Variants in CDKL3 observed in about 807,000 individuals in gnomAD.
CDKL3 encodes the protein cyclin-dependent kinase-like 3.
Under a neutral mutation model 69.3 loss-of-function variants are expected in CDKL3, and 65 were observed. The ratio of observed to expected loss-of-function variants is 0.94; its 90% CI spans 0.77 to 1.15. The LOEUF is 1.15. Among genes scored for constraint, CDKL3 ranks in the 50% most tolerant of loss-of-function variants. CDKL3 has a pLI of 0.00. For missense variants in CDKL3, 652 were observed against 689.2 expected (o/e 0.95, Z 0.61); for synonymous variants, 202 against 221.6 (o/e 0.91, Z 0.79).
In CDKL3 at chr5:134,291,773, C is replaced by CA. The variant is rs762167323; in HGVS notation, c.*678-5215dup. ...TGGGTGACAGAGCAAGACTCCATCT[C>CA]AAAAAAAAAAAAAAGGAACTCTTTA... is the stretch of plus-strand genomic sequence containing the variant. On this transcript the variant is annotated intron_variant and NMD_transcript_variant, in intron 8 of 8. Transcript: ENST00000519312. 2.2e-3 allele frequency among the ~76,000 whole-genome samples: 238 copies of CA among 107,568 alleles called. 1 individual carries two copies. The highest frequency in any genetic ancestry group is 5.3e-3 in the Middle Eastern group (1 of 190). 70.6% of individuals were successfully genotyped at this position (107,568 alleles called of 152,430 possible). A position where few individuals can be genotyped will look rare whatever the true frequency, so the allele number is the denominator to read the frequency against.
intron 4 of CDKL3, among the ~76,000 whole-genome samples, chr5:134,341,283 T>C (rs1750421858): frequency 6.6e-6 from 1 of 152,220 alleles, no homozygotes; most frequent in South Asian, 2.1e-4. Flanking sequence ...AAGACAAGGA[T>C]GTCTGCTCTT....
In CDKL3 at chr5:134,312,355, T is replaced by C. The variant is rs754259188; in HGVS notation, c.818A>G (p.Asp273Gly). 15 of 1,595,006 alleles carry C rather than the reference T, an allele frequency of 9.4e-6. No homozygotes were observed. Among genetic ancestry groups the C allele is most frequent in the Non-Finnish European group, 1.1e-5 (13 of 1,171,448 alleles). ...VHACLQIDPADRISSSDLLHH... is the reference protein window; with the variant it reads ...VHACLQIDPAGRISSSDLLHH... ...CAAAAGATCACTAGATGATATCCTG[T>C]CAGCAGGATCAATTTGTAAACAAGC... is the stretch of plus-strand genomic sequence containing the variant. The change falls in exon 7 of 13, where the codon GAC becomes GGC. Residue 273 changes from aspartate to glycine, a missense_variant. Physicochemically the swap from Asp to Gly is moderately conservative, Grantham distance 94 (BLOSUM62 -1). Transcript: ENST00000265334.
In CDKL3 at chr5:134,356,996, G is replaced by A. The variant is rs375975715; in HGVS notation, c.360+2901C>T. 2.0e-5 allele frequency among the ~76,000 whole-genome samples: 3 copies of A among 151,708 alleles called. No homozygotes were observed. The East Asian group carries it at 5.8e-4, about 29-fold the overall frequency. On this transcript the variant is annotated intron_variant, in intron 3 of 12. Coordinates refer to ENST00000265334, the MANE Select transcript of CDKL3 (RefSeq NM_001113575.2). ...TGTACTACTATATCGTTTGTGCCAC[G>A]AAACTTAGCACTTCATCATCTACAC...
intron 4 of CDKL3, among the ~76,000 whole-genome samples, chr5:134,335,801 T>C (rs933063695): frequency 6.6e-5 from 10 of 152,160 alleles, no homozygotes; most frequent in African/African-American, 2.4e-4. Flanking sequence ...TTATGTGTCT[T>C]GGGGTTGCTC....
At chr5:134,290,353 CAAAAAAAAA>C (rs1212709645) in intron 8 of CDKL3, among the ~76,000 whole-genome samples, 3 of 24,790 alleles carry the variant, frequency 1.2e-4, no homozygotes, top group Non-Finnish European at 2.5e-4. Flanking sequence ...GACTCTGTCT[CAAAAAAAAA>C]AAAAAAAAAA....
At chr5:134,344,397 G>A (rs1751289394) in intron 4 of CDKL3, among the ~76,000 whole-genome samples, 1 of 152,116 alleles carries the variant, frequency 6.6e-6, no homozygotes, top group East Asian at 1.9e-4. Flanking sequence ...TCACATATCT[G>A]ATAAGGAATT....
intron 3 of CDKL3, 79 bp downstream of exon 3, chr5:134,359,818 T>C: frequency 1.1e-6 from 1 of 921,696 alleles, no homozygotes; most frequent in South Asian, 1.6e-5. Context: ...TTAGCCACCT[T>C]CATAAAAATA....
At chr5:134,341,406 G>A (rs1034800345) in intron 4 of CDKL3, among the ~76,000 whole-genome samples, 1 of 152,190 alleles carries the variant, frequency 6.6e-6, no homozygotes, top group Non-Finnish European at 1.5e-5. Context: ...ATTCACAGAT[G>A]ACATGATCTT....
In CDKL3 at chr5:134,356,304, G is replaced by A. The variant is rs938329704; in HGVS notation, c.360+3593C>T. ...GGAGGCAGAGCTCAGGTGGTAATGC[G>A]AGCAATGCAAAGTGGCTGTAAATAC... On this transcript the variant is annotated intron_variant, in intron 3 of 12. Coordinates refer to ENST00000265334, the MANE Select transcript of CDKL3 (RefSeq NM_001113575.2). Among the ~76,000 whole-genome samples the A allele has an allele frequency of 5.3e-5, 8 of 152,174 alleles. No homozygotes were observed. In the East Asian group the frequency reaches 1.3e-3, roughly 26 times the overall value.
intron 4 of CDKL3, among the ~76,000 whole-genome samples, chr5:134,329,264 G>A (rs1007944469): frequency 3.9e-5 from 6 of 152,128 alleles, no homozygotes; most frequent in Non-Finnish European, 8.8e-5. Context: ...ATTGAGCCCA[G>A]AAGGTTGAGG....
intron 8 of CDKL3, among the ~76,000 whole-genome samples, chr5:134,289,163 T>TA (rs34873718): frequency 0.22 from 17,596 of 80,232 alleles, 1,678 homozygotes; most frequent in Middle Eastern, 0.26. Context: ...CCCTGTCTCA[T>TA]AAAAAAAAAA....
At chr5:134,367,849 G>A (rs183612031), upstream of CDKL3, among the ~76,000 whole-genome samples, 198 of 152,272 alleles carry the variant, frequency 1.3e-3, 1 homozygote, top group Middle Eastern at 3.4e-3. Flanking sequence ...ACAAGAGCAC[G>A]GAAATAAAGA....
chr5:134,338,174 T>C (rs555013210), intron 4 of CDKL3, among the ~76,000 whole-genome samples: 1 of 152,182 alleles, frequency 6.6e-6, no homozygotes, highest in East Asian at 1.9e-4. Flanking sequence ...GAGAAATGAC[T>C]ATAAAGAAAA....
intron 3 of CDKL3, 90 bp downstream of exon 3, chr5:134,359,807 G>C: frequency 2.3e-6 from 2 of 854,588 alleles, no homozygotes; most frequent in Non-Finnish European, 3.6e-6. Flanking sequence ...GAAAAAGAAT[G>C]TTAGCCACCT....
intron 4 of CDKL3, 108 bp from the exon 5 acceptor site, chr5:134,322,011 A>G: frequency 5.9e-6 from 4 of 679,012 alleles, no homozygotes; most frequent in Non-Finnish European, 1.0e-5. Flanking sequence ...AAGTAGTATC[A>G]TTTTAAGTTT....
chr5:134,319,683 G>A (rs537179332), intron 5 of CDKL3, among the ~76,000 whole-genome samples, 186 bp from the exon 6 acceptor site: 44 of 152,138 alleles, frequency 2.9e-4, no homozygotes, highest in African/African-American at 8.4e-4. Context: ...CTGAGGTTTC[G>A]TCAGTTATCT....
At chr5:134,342,606 AAAAAAG>A (rs1204220303) in intron 4 of CDKL3, among the ~76,000 whole-genome samples, 3 of 152,174 alleles carry the variant, frequency 2.0e-5, no homozygotes, top group Non-Finnish European at 2.9e-5. Flanking sequence ...TCTCAAAAAA[AAAAAAG>A]AAAAAGAAAA....
intron 2 of CDKL3, among the ~76,000 whole-genome samples, chr5:134,366,011 CCTTT>C (rs1212651276): frequency 2.0e-5 from 3 of 152,186 alleles, no homozygotes; most frequent in Non-Finnish European, 2.9e-5. Context: ...CATATACTCT[CCTTT>C]CTGATTAAAT....
chr5:134,329,964 C>T (rs1364180912), intron 4 of CDKL3, among the ~76,000 whole-genome samples: 1 of 150,448 alleles, frequency 6.6e-6, no homozygotes, highest in African/African-American at 2.4e-5. Context: ...GAGGTGAGAT[C>T]GCGCCACTGC....
Sources: allele counts gnomAD v4.1 joint callset (sites outside exome capture counted in the v4.1 genomes callset), GRCh38; gene constraint gnomAD v4.1.1; transcripts MANE v1.5; gene names NCBI Gene and HGNC (gene_info 2026-07-23, HGNC 2026-07-21).